Variants in SKOR2 observed in about 807,000 individuals in gnomAD.
SKOR2 encodes the protein LBX1 corepressor 1-like protein.
A neutral mutation model predicts 69.1 loss-of-function variants in SKOR2; 47 were observed. The observed-to-expected ratio is 0.68, with a 90% CI of 0.54 to 0.87. The LOEUF is 0.87. SKOR2 is among the 40% of genes least tolerant of loss of function. SKOR2 has a pLI of 0.00. For synonymous variants in SKOR2, 717 were observed against 672.6 expected (o/e 1.07, Z -1.02); for missense variants, 1,404 against 1,472.2 (o/e 0.95, Z 0.76).
At position 47,248,127 on chromosome 18, in the gene SKOR2, C is replaced by G; in HGVS notation, c.1057G>C (p.Gly353Arg). 1.5e-6 allele frequency: 2 copies of G among 1,300,312 alleles called. No homozygotes were observed. The highest frequency in any genetic ancestry group is 6.4e-5 in the East Asian group (2 of 31,312). 80.5% of individuals were successfully genotyped at this position (1,300,312 alleles called of 1,614,324 possible). A position where few individuals can be genotyped will look rare whatever the true frequency, so the allele number is the denominator to read the frequency against. ...GGAGTGGGGA[G>R]GGCVAGVGVG... ...CCCACGCCGGCCACACAGCCACCCC[C>G]AGCGCCGCCCCCACCAGTCCCCGCG... Residue 353 changes from glycine to arginine, a missense_variant, in exon 2 of 9, where the codon GGG becomes CGG. Gly to Arg is a moderately radical substitution (Grantham distance 125). Coordinates refer to ENST00000425639, the MANE Select transcript of SKOR2 (RefSeq NM_001278063.4). This position sits in a 1 kb window ranked among gnomAD's most constrained non-coding sequence, Gnocchi z 6.4.
At chr18:47,249,606 G>A (rs990919415) in intron 1 of SKOR2, among the ~76,000 whole-genome samples, 3 of 152,180 alleles carry the variant, frequency 2.0e-5, no homozygotes, top group Admixed American at 6.5e-5. Context: ...TAAAAGTTAC[G>A]GAAAACTGGG....
In SKOR2 at chr18:47,247,706, G is replaced by A. The variant is rs1344144205; in HGVS notation, c.1478C>T (p.Ser493Leu). Reference protein sequence around the residue: ...TYLQPPPQPPSALGCALGESP... With the variant: ...TYLQPPPQPPLALGCALGESP... ...TTCGCCTAGCGCGCAGCCTAGCGCC[G>A]AGGGCGGCTGAGGCGGGGGCTGCAG... Residue 493 changes from serine to leucine, a missense_variant, in exon 2 of 9, where the codon TCG (serine) becomes TTG (leucine). By Grantham distance (145) the Ser-to-Leu change is moderately radical (BLOSUM62 -2). Coordinates refer to ENST00000425639, the MANE Select transcript of SKOR2 (RefSeq NM_001278063.4). This position sits in a 1 kb window ranked among gnomAD's most constrained non-coding sequence, Gnocchi z 6.6. 4 of 1,361,002 alleles carry A rather than the reference G, an allele frequency of 2.9e-6. No individual in the cohort carries two copies. Among genetic ancestry groups the A allele is most frequent in the Non-Finnish European group, 3.8e-6 (4 of 1,066,322 alleles). The allele number at this position is 1,361,002 out of a possible 1,614,324, so 84.3% of individuals were successfully genotyped here. A position where few individuals can be genotyped will look rare whatever the true frequency, so the allele number is the denominator to read the frequency against.
rs1338033957 is a variant in SKOR2 at position 47,247,354 on chromosome 18, C to A, written c.1830G>T (p.Gly610=). The A allele has an allele frequency of 1.4e-6, 2 of 1,469,536 alleles. No individual in the cohort carries two copies. Among genetic ancestry groups the A allele is most frequent in the African/African-American group, 1.5e-5 (1 of 68,412 alleles). 91.0% of individuals were successfully genotyped at this position (1,469,536 alleles called of 1,614,324 possible). A position where few individuals can be genotyped will look rare whatever the true frequency, so the allele number is the denominator to read the frequency against. ...PAPHHPHLLE[G]RKAGGGSYHH... ...GGTAGCTGCCACCGCCCGCTTTGCG[C>A]CCCTCCAGAAGGTGCGGATGGTGGG... Residue 610 remains glycine (G), a synonymous_variant, in exon 2 of 9, where the codon GGG becomes GGT. Transcript: ENST00000425639. The surrounding 1 kb of genome is among the most constrained non-coding windows in gnomAD (Gnocchi z 6.6).
At chr18:47,233,809 C>A (rs1411935362) in intron 4 of SKOR2, among the ~76,000 whole-genome samples, 1 of 152,144 alleles carries the variant, frequency 6.6e-6, no homozygotes, top group Non-Finnish European at 1.5e-5. Context: ...AAATGCATTT[C>A]TTTCCTACTT....
At chr18:47,230,582 T>G in intron 5 of SKOR2, 25 bp from the exon 6 acceptor site, 1 of 1,309,096 alleles carries the variant, frequency 7.6e-7, no homozygotes, top group Non-Finnish European at 9.9e-7. Flanking sequence ...AAGAGTCATT[T>G]TACTAATCTT....
At chr18:47,215,554 GA>G (rs935890617) in intron 7 of SKOR2, among the ~76,000 whole-genome samples, 64 of 152,178 alleles carry the variant, frequency 4.2e-4, no homozygotes, top group Middle Eastern at 6.8e-3. Context: ...CTTTCCCTGT[GA>G]CGATGCACTG....
intron 7 of SKOR2, among the ~76,000 whole-genome samples, chr18:47,218,197 G>C (rs2064150111): frequency 1.3e-5 from 2 of 152,032 alleles, no homozygotes. Context: ...AAGAAATACT[G>C]TTTCCTTTCC....
Position 47,248,981 on chromosome 18 carries a change from G to A in SKOR2, c.203C>T (p.Ser68Phe), listed in dbSNP as rs1191894897. The A allele has an allele frequency of 6.4e-7, 1 of 1,567,246 alleles. No individual in the cohort carries two copies. Among genetic ancestry groups the A allele is most frequent in the Non-Finnish European group, 8.6e-7 (1 of 1,163,654 alleles). Residue 68 changes from serine (S) to phenylalanine (F), a missense_variant, in exon 2 of 9, where the codon TCC (serine) becomes TTC (phenylalanine). Physicochemically the swap from Ser to Phe is radical, Grantham distance 155. Around this residue, in one of 3 missense-constraint regions of SKOR2, gnomAD observed 104 missense variants for 95.7 expected, o/e 1.09. Transcript: ENST00000425639. This position sits in a 1 kb window ranked among gnomAD's most constrained non-coding sequence, Gnocchi z 6.4. ...GQERLCLAQI[S>F]NTLLKNFSYN... ...GCTGAAGTTCTTGAGCAGAGTGTTG[G>A]AGATCTGCGCCAGGCACAGGCGCTC...
At chr18:47,241,406 A>G (rs764756059) in intron 4 of SKOR2, among the ~76,000 whole-genome samples, 4 of 152,138 alleles carry the variant, frequency 2.6e-5, no homozygotes, top group Middle Eastern at 3.2e-3. Flanking sequence ...GATTCTCAGG[A>G]TCTGACCACA....
At chr18:47,249,655 C>A (rs949194955) in intron 1 of SKOR2, among the ~76,000 whole-genome samples, 4 of 152,182 alleles carry the variant, frequency 2.6e-5, no homozygotes, top group Non-Finnish European at 5.9e-5. Flanking sequence ...AGCTGTCATT[C>A]TCATTTGCTT....
chr18:47,250,730 C>A (rs2064308606), intron 1 of SKOR2, among the ~76,000 whole-genome samples: 1 of 152,124 alleles, frequency 6.6e-6, no homozygotes, highest in Non-Finnish European at 1.5e-5. Flanking sequence ...GAACAAACCT[C>A]GACGCGATCA....
In SKOR2 at chr18:47,246,827, C is replaced by G. The variant is rs747582136; in HGVS notation, c.2357G>C (p.Arg786Pro). The G allele has an allele frequency of 9.6e-6, 14 of 1,458,270 alleles. No individual in the cohort carries two copies. Among genetic ancestry groups the G allele is most frequent in the African/African-American group, 1.5e-5 (1 of 67,736 alleles). 90.3% of individuals were successfully genotyped at this position (1,458,270 alleles called of 1,614,324 possible). A position where few individuals can be genotyped will look rare whatever the true frequency, so the allele number is the denominator to read the frequency against. ...CGACGGCCCTCGGCCCTGGAGGAAC[C>G]GGCCGCCCCCGACTAAGGGGTCGCC... Reference protein sequence around the residue: ...LLGDPLVGGGRFLQGRGPSEK... With the variant: ...LLGDPLVGGGPFLQGRGPSEK... The change falls in exon 2 of 9, where the codon CGG (arginine) becomes CCG (proline). Residue 786 changes from arginine (R) to proline (P), a missense_variant. Physicochemically the swap from Arg to Pro is moderately radical, Grantham distance 103 (BLOSUM62 -2). Transcript: ENST00000425639.
chr18:47,227,462 T>G (rs1441768626), intron 6 of SKOR2, among the ~76,000 whole-genome samples: 1 of 150,178 alleles, frequency 6.7e-6, no homozygotes, highest in Admixed American at 6.7e-5. Context: ...TTCAGCCTCC[T>G]GAGTAGCTGG....
Position 47,247,850 on chromosome 18 carries a change from G to GCCGCGC in SKOR2, c.1328_1333dup (p.Gly443_Ala444dup), listed in dbSNP as rs1185482448. 6.0e-5 allele frequency: 81 copies of GCCGCGC among 1,361,270 alleles called. No homozygotes were observed. Among genetic ancestry groups the GCCGCGC allele is most frequent in the Non-Finnish European group, 6.7e-5 (71 of 1,067,324 alleles). The allele number at this position is 1,361,270 out of a possible 1,614,324, so 84.3% of individuals were successfully genotyped here. On this transcript the variant is annotated inframe_insertion, in exon 2 of 9. Coordinates refer to ENST00000425639, the MANE Select transcript of SKOR2 (RefSeq NM_001278063.4). This position sits in a 1 kb window ranked among gnomAD's most constrained non-coding sequence, Gnocchi z 6.6. ...GAGGCCGGACAAGCCGGCCTTGGGC[G>GCCGCGC]CCGCGCCCGCGCCGCCTGCGCCCGC...
At chr18:47,237,879 T>G (rs1051519594) in intron 4 of SKOR2, among the ~76,000 whole-genome samples, 1 of 152,114 alleles carries the variant, frequency 6.6e-6, no homozygotes, top group African/African-American at 2.4e-5. Context: ...GGTCTACCTA[T>G]GTTGCCCAGT....
chr18:47,207,919 G>T (rs971814289), intron 8 of SKOR2, among the ~76,000 whole-genome samples: 2 of 152,192 alleles, frequency 1.3e-5, no homozygotes, highest in Admixed American at 1.3e-4. Context: ...GGCAAAAATA[G>T]GTGGGTCATG....
chr18:47,243,166 T>C (rs1232424659), intron 4 of SKOR2, among the ~76,000 whole-genome samples: 1 of 152,206 alleles, frequency 6.6e-6, no homozygotes, highest in East Asian at 1.9e-4. Flanking sequence ...TAAGTGCTCA[T>C]TGGTCGTACA....
At chr18:47,211,994 C>A (rs1568082504) in intron 8 of SKOR2, 92 bp downstream of exon 8, 7 of 1,157,456 alleles carry the variant, frequency 6.0e-6, no homozygotes. Flanking sequence ...TTACCAATCC[C>A]TTGGGCTATT....
At chr18:47,213,315 A>C (rs1442703260) in intron 7 of SKOR2, among the ~76,000 whole-genome samples, 7 of 150,386 alleles carry the variant, frequency 4.7e-5, no homozygotes, top group African/African-American at 1.7e-4. Context: ...TGTTAAGTAA[A>C]AGCAGTGAGG....
Sources: allele counts gnomAD v4.1 joint callset (sites outside exome capture counted in the v4.1 genomes callset), GRCh38; gene constraint gnomAD v4.1.1; regional missense constraint gnomAD v4.1.1; non-coding constraint Gnocchi (gnomAD v3.1); transcripts MANE v1.5; gene names NCBI Gene and HGNC (gene_info 2026-07-23, HGNC 2026-07-21).